Variants in ANKK1 observed in about 807,000 individuals in gnomAD.
ANKK1 encodes ankyrin repeat and protein kinase domain-containing protein 1.
A neutral mutation model predicts 37.6 loss-of-function variants in ANKK1; 37 were observed. The ratio of observed to expected loss-of-function variants is 0.98; its 90% CI spans 0.76 to 1.29. The LOEUF (loss-of-function observed/expected upper bound fraction) is 1.29. Ranked by LOEUF, ANKK1 falls within the 50% of genes most tolerant of loss-of-function variation. The probability of loss-of-function intolerance (pLI) is 0.00; values close to 1 mark genes in which losing one functional copy is unlikely to be tolerated. For synonymous variants in ANKK1, 415 were observed against 418.7 expected, an observed-to-expected ratio of 0.99 and a Z score of 0.11; for missense variants, 1,019 against 990.6, an observed-to-expected ratio of 1.03 and a Z score of -0.39.
Position 113,395,023 on chromosome 11 carries a change from C to T in ANKK1, c.575C>T (p.Pro192Leu). Residue 192 changes from proline (P) to leucine (L), a missense_variant, in exon 3 of 8, where the codon CCC becomes CTC. Transcript: ENST00000303941. ...CTGCGGGGCATGCTCAGCTACATCC[C>T]CCCTGAGATGTTCCTGGAGAGTAAC... ...SALRGMLSYI[P>L]PEMFLESNKA... The T allele has an allele frequency of 6.2e-7, 1 of 1,613,458 alleles. No individual in the cohort carries two copies. Among genetic ancestry groups the T allele is most frequent in the African/African-American group, 1.3e-5 (1 of 75,042 alleles).
intron 1 of ANKK1, among the ~76,000 whole-genome samples, chr11:113,390,787 T>C (rs934828502): frequency 2.6e-5 from 4 of 151,088 alleles, no homozygotes; most frequent in African/African-American, 9.7e-5. Flanking sequence ...ATGCATTCAT[T>C]CCAAGCACTA....
chr11:113,396,265 G>A (rs2138133329), intron 5 of ANKK1, 43 bp downstream of exon 5: 4 of 1,603,814 alleles, frequency 2.5e-6, no homozygotes, highest in Non-Finnish European at 3.4e-6. Context: ...GGAGCTGGGT[G>A]GGGCCGGGAG....
intron 5 of ANKK1, 110 bp from the exon 6 acceptor site, chr11:113,397,114 G>A: frequency 1.1e-6 from 1 of 883,606 alleles, no homozygotes; most frequent in Non-Finnish European, 1.7e-6. Flanking sequence ...ACATATGTGA[G>A]CCCAGGAATG....
chr11:113,395,444 G>T (rs1387108224), intron 4 of ANKK1, 36 bp downstream of exon 4: 6 of 1,610,096 alleles, frequency 3.7e-6, no homozygotes, highest in Non-Finnish European at 4.2e-6. Context: ...TTGGGGGCAG[G>T]AGGACCCCTG....
intron 5 of ANKK1, among the ~76,000 whole-genome samples, chr11:113,396,645 G>C (rs1354848780): frequency 3.3e-5 from 5 of 152,130 alleles, no homozygotes; most frequent in Non-Finnish European, 7.4e-5. Context: ...TGGCCTAGAA[G>C]GACTTTTTGA....
At chr11:113,394,386 T>C (rs1161937593) in intron 2 of ANKK1, among the ~76,000 whole-genome samples, 2 of 152,210 alleles carry the variant, frequency 1.3e-5, no homozygotes, top group African/African-American at 2.4e-5. Context: ...TACGAGGATA[T>C]GGAGTGTGTG....
chr11:113,399,327 G>A lies in ANKK1; in HGVS notation c.1358G>A (p.Cys453Tyr), dbSNP rs1281652523. 1.2e-6 allele frequency: 2 copies of A among 1,600,656 alleles called. No homozygotes were observed. The highest frequency in any genetic ancestry group is 1.7e-6 in the Non-Finnish European group (2 of 1,174,044). ...CGCCTGCTCCTGGACCACGGGGCCT[G>A]TGTGGATGCCCAGGAACGTGAAGGG... Reference protein sequence around the residue: ...TARLLLDHGACVDAQEREGWT... With the variant: ...TARLLLDHGAYVDAQEREGWT... The change falls in exon 8 of 8, where the codon TGT (cysteine) becomes TAT (tyrosine). Residue 453 changes from cysteine to tyrosine, a missense_variant. Transcript: ENST00000303941.
At chr11:113,394,287 A>C (rs959672641) in intron 2 of ANKK1, among the ~76,000 whole-genome samples, 1 of 152,154 alleles carries the variant, frequency 6.6e-6, no homozygotes, top group Non-Finnish European at 1.5e-5. Context: ...TGTACCTCTG[A>C]TTCTCCATAT....
At chr11:113,390,269 G>T (rs977557926) in intron 1 of ANKK1, among the ~76,000 whole-genome samples, 3 of 152,204 alleles carry the variant, frequency 2.0e-5, no homozygotes, top group Admixed American at 1.3e-4. Flanking sequence ...GACAATTAAT[G>T]GAGAGACTAT....
chr11:113,397,152 A>G (rs976673928), intron 5 of ANKK1, 72 bp from the exon 6 acceptor site: 1 of 1,221,400 alleles, frequency 8.2e-7, no homozygotes, highest in Non-Finnish European at 1.2e-6. Context: ...ATGTTAGGGT[A>G]TCTAAAACAG....
rs1463837203 is a variant in ANKK1, at chr11:113,387,789, CCCGGA to C, written c.-93_-89del. 1 of 1,375,508 alleles carries C rather than the reference CCCGGA, an allele frequency of 7.3e-7. No individual in the cohort carries two copies. Among genetic ancestry groups the C allele is most frequent in the African/African-American group, 1.5e-5 (1 of 67,366 alleles). 85.2% of individuals were successfully genotyped at this position (1,375,508 alleles called of 1,614,324 possible). A position where few individuals can be genotyped will look rare whatever the true frequency, so the allele number is the denominator to read the frequency against. ...CCGGCTCGTCTCCCCATTCCCCTCT[CCCGGA>C]CCCGAGGAGCAGGAAGCGGCGGCTC... On this transcript the variant is annotated 5_prime_UTR_variant, in exon 1 of 8. Transcript: ENST00000303941.
chr11:113,399,959 C>T lies in ANKK1; in HGVS notation c.1990C>T (p.His664Tyr). 1 of 1,613,658 alleles carries T rather than the reference C, an allele frequency of 6.2e-7. No homozygotes were observed. Among genetic ancestry groups the T allele is most frequent in the Non-Finnish European group, 8.5e-7 (1 of 1,179,890 alleles). ...AAEQSGWTPL[H>Y]LAVQRSTFLS... is the part of the protein sequence containing the mutation. The stretch of plus-strand genomic sequence containing the variant: ...AGAGCAGTCAGGCTGGACACCCCTC[C>T]ACCTGGCGGTCCAGAGGAGCACCTT... Residue 664 changes from histidine (H) to tyrosine (Y), a missense_variant, in exon 8 of 8, where the codon CAC becomes TAC. Coordinates refer to ENST00000303941, the MANE Select transcript of ANKK1 (RefSeq NM_178510.2).
chr11:113,388,195 T>G, intron 1 of ANKK1, 126 bp downstream of exon 1: 11 of 1,262,144 alleles, frequency 8.7e-6, no homozygotes, highest in South Asian at 1.7e-5. Context: ...CCGCGGTATT[T>G]CTGAATTCCA....
chr11:113,393,738 C>T lies in ANKK1; in HGVS notation c.443C>T (p.Pro148Leu), dbSNP rs200103052. Residue 148 changes from proline to leucine, a missense_variant, in exon 2 of 8, where the codon CCG (proline) becomes CTG (leucine). Physicochemically the swap from Pro to Leu is moderately conservative, Grantham distance 98 (BLOSUM62 -3). Coordinates refer to ENST00000303941, the MANE Select transcript of ANKK1 (RefSeq NM_178510.2). ...CCTCTGCTCCACCTGGACCTCAAGC[C>T]GGGCAACATACTCCTGGACAGCAAC... ...KPPLLHLDLK[P>L]GNILLDSNMH... 4.5e-5 allele frequency: 72 copies of T among 1,612,322 alleles called. No homozygotes were observed. Among genetic ancestry groups the T allele is most frequent in the Admixed American group, 2.7e-4 (16 of 59,998 alleles).
At chr11:113,397,871 G>A (rs1438617765) in intron 6 of ANKK1, 109 bp from the exon 7 acceptor site, 3 of 1,229,504 alleles carry the variant, frequency 2.4e-6, no homozygotes, top group Non-Finnish European at 2.3e-6. Flanking sequence ...GGTGGGATGT[G>A]AGTCCTGACA....
chr11:113,396,556 TCTCAAACTC>T (rs1950640994), intron 5 of ANKK1, among the ~76,000 whole-genome samples: 1 of 151,982 alleles, frequency 6.6e-6, no homozygotes. Flanking sequence ...TTCAGGCTGT[TCTCAAACTC>T]CTGGCCTCAA....
Position 113,399,059 on chromosome 11 carries a change from A to AC in ANKK1, c.1096dup (p.Leu366ProfsTer55), listed in dbSNP as rs755428982. On this transcript the variant is annotated frameshift_variant, in exon 8 of 8. Coordinates refer to ENST00000303941, the MANE Select transcript of ANKK1 (RefSeq NM_178510.2). LOFTEE classifies it low-confidence loss of function (END_TRUNC). ...ACTGTGTATCTATGAGAACAAGGTC[A>AC]CCCCCCTCCACTTCCTGGTGGCCCA... 4 of 1,602,098 alleles carry AC rather than the reference A, an allele frequency of 2.5e-6. No individual in the cohort carries two copies. The highest frequency in any genetic ancestry group is 2.6e-6 in the Non-Finnish European group (3 of 1,174,480).
At chr11:113,396,867 C>A (rs536604235) in intron 5 of ANKK1, among the ~76,000 whole-genome samples, 1 of 152,328 alleles carries the variant, frequency 6.6e-6, no homozygotes, top group East Asian at 1.9e-4. Flanking sequence ...CTACTGTTTC[C>A]TCATTTGTAA....
chr11:113,394,681 C>T, intron 2 of ANKK1: 1 of 640,286 alleles, frequency 1.6e-6, no homozygotes, highest in Non-Finnish European at 2.9e-6. Context: ...ATTTAGTGCT[C>T]ACAATAGCAC....
Sources: allele counts gnomAD v4.1 joint callset (sites outside exome capture counted in the v4.1 genomes callset), GRCh38; gene constraint gnomAD v4.1.1; transcripts MANE v1.5; gene names NCBI Gene and HGNC (gene_info 2026-07-23, HGNC 2026-07-21).